CFAP70: variants seen among roughly 807,000 people sequenced by gnomAD.
CFAP70 encodes the protein cilia- and flagella-associated protein 70.
CFAP70 carries 81 observed loss-of-function variants against 137.6 expected under a neutral mutation model. The observed-to-expected ratio is 0.59, with a 90% CI of 0.49 to 0.71. The LOEUF is 0.71. Ranked by LOEUF, CFAP70 falls within the 30% of genes least tolerant of loss-of-function variation. The pLI, the probability that CFAP70 is intolerant of heterozygous loss-of-function variation, is 0.00. For synonymous variants in CFAP70, 382 were observed against 423.6 expected (o/e 0.90, Z 1.20); for missense variants, 976 against 1,226.7 (o/e 0.80, Z 3.05).
At chr10:73,281,973 GT>G (rs1463120080) in intron 19 of CFAP70, among the ~76,000 whole-genome samples, 1 of 152,212 alleles carries the variant, frequency 6.6e-6, no homozygotes, top group Non-Finnish European at 1.5e-5. Context: ...CGTGATTCTA[GT>G]GAAAGAGAAG....
At chr10:73,297,949 C>T (rs1184500829) in intron 14 of CFAP70, among the ~76,000 whole-genome samples, 3 of 152,176 alleles carry the variant, frequency 2.0e-5, no homozygotes, top group Admixed American at 6.5e-5. Context: ...TGAGACATGA[C>T]GACACCACCT....
chr10:73,293,496 A>C, intron 15 of CFAP70, 108 bp from the exon 17 acceptor site: 1 of 954,754 alleles, frequency 1.0e-6, no homozygotes, highest in Non-Finnish European at 1.5e-6. Context: ...CTAAAATGTT[A>C]CTGATTGATG....
chr10:73,297,296 TTGG>T (rs1278684750), intron 14 of CFAP70, 123 bp from the exon 16 acceptor site: 2 of 982,980 alleles, frequency 2.0e-6, no homozygotes, highest in Admixed American at 6.0e-5. Context: ...GATTTCTCCC[TTGG>T]TGGGTGGTAG....
chr10:73,353,513 G>C, intron 3 of CFAP70, 43 bp downstream of exon 3: 1 of 1,562,026 alleles, frequency 6.4e-7, no homozygotes, highest in Non-Finnish European at 8.8e-7. Context: ...TGATAGGGAA[G>C]AAGGCAATCG....
At chr10:73,306,286 G>C (rs1169578942) in intron 12 of CFAP70, among the ~76,000 whole-genome samples, 1 of 152,004 alleles carries the variant, frequency 6.6e-6, no homozygotes, top group Non-Finnish European at 1.5e-5. Flanking sequence ...GAATTTTTAA[G>C]AAATAATGGC....
intron 2 of CFAP70, among the ~76,000 whole-genome samples, chr10:73,354,321 T>G (rs561112103): frequency 6.6e-6 from 1 of 152,360 alleles, no homozygotes; most frequent in Admixed American, 6.5e-5. Context: ...GAATGATCTT[T>G]TTAAACTTAA....
chr10:73,332,481 C>A (rs2132313782), intron 7 of CFAP70, among the ~76,000 whole-genome samples: 1 of 152,278 alleles, frequency 6.6e-6, no homozygotes, highest in Admixed American at 6.5e-5. Context: ...ACCTGTCTAG[C>A]TTCCACAGGG....
At chr10:73,351,083 A>G (rs1318352496) in intron 3 of CFAP70, among the ~76,000 whole-genome samples, 36 of 89,888 alleles carry the variant, frequency 4.0e-4, no homozygotes, top group African/African-American at 2.0e-3. Context: ...ATATATATAT[A>G]TATATATATA....
At chr10:73,322,923 G>A (rs912267255) in intron 9 of CFAP70, 40 bp downstream of exon 10, 2 of 1,544,678 alleles carry the variant, frequency 1.3e-6, no homozygotes, top group South Asian at 2.5e-5. Flanking sequence ...ATATATAAAG[G>A]ATAAATTACC....
intron 24 of CFAP70, among the ~76,000 whole-genome samples, chr10:73,270,734 C>A (rs2046238490): frequency 6.6e-6 from 1 of 151,300 alleles, no homozygotes; most frequent in African/African-American, 2.4e-5. Context: ...CGGGGTTTCA[C>A]CACATTGGCC....
intron 9 of CFAP70, among the ~76,000 whole-genome samples, chr10:73,320,381 T>TA (rs1160942247): frequency 6.6e-6 from 1 of 152,122 alleles, no homozygotes; most frequent in Admixed American, 6.5e-5. Flanking sequence ...CGGAGTACAG[T>TA]AGAACAATCA....
chr10:73,342,692 T>C (rs1337267808), intron 5 of CFAP70, among the ~76,000 whole-genome samples: 1 of 152,148 alleles, frequency 6.6e-6, no homozygotes, highest in Non-Finnish European at 1.5e-5. Context: ...AGAGCCTTCA[T>C]CAGCAACAAA....
chr10:73,253,766 G>A (rs2133452396), downstream of CFAP70: 1 of 466,098 alleles, frequency 2.1e-6, no homozygotes, highest in Non-Finnish European at 3.9e-6. Context: ...GATGAATTTT[G>A]AGTTTCATAT....
At chr10:73,314,044 A>C (rs2050144972) in intron 9 of CFAP70, among the ~76,000 whole-genome samples, 1 of 152,234 alleles carries the variant, frequency 6.6e-6, no homozygotes, top group African/African-American at 2.4e-5. Context: ...TTTTTCCCTA[A>C]AAATTCTTTT....
intron 26 of CFAP70, among the ~76,000 whole-genome samples, chr10:73,254,979 C>T (rs1403555819): frequency 6.6e-6 from 1 of 152,188 alleles, no homozygotes; most frequent in Non-Finnish European, 1.5e-5. Context: ...ACTAATAGAA[C>T]AGGCCAGGCA....
At chr10:73,362,025 A>G (rs890132458), upstream of CFAP70, among the ~76,000 whole-genome samples, 2 of 152,220 alleles carry the variant, frequency 1.3e-5, no homozygotes, top group African/African-American at 4.8e-5. Context: ...AGACAGTAAT[A>G]AAGACATAAA....
Position 73,275,420 on chromosome 10 carries a change from C to G in CFAP70, c.2673+26G>C, listed in dbSNP as rs371309273. The stretch of plus-strand genomic sequence containing the variant: ...TTAAATAAAGCCCCTTCTCCAGACT[C>G]AAGAGGCTTTAGCAAAAGTCATTAC... On this transcript the variant is annotated intron_variant, in intron 22 of 26. Transcript: ENST00000310715. The surrounding 1 kb of genome is among the most constrained non-coding windows in gnomAD (Gnocchi z 4.0). 1.3e-6 allele frequency: 2 copies of G among 1,565,296 alleles called. No individual in the cohort carries two copies. The highest frequency in any genetic ancestry group is 1.4e-5 in the African/African-American group (1 of 73,050).
Position 73,268,241 on chromosome 10 carries a change from T to C in CFAP70, c.3027+1373A>G, listed in dbSNP as rs988000530. Among the ~76,000 whole-genome samples, 14 of 152,370 alleles carry C rather than the reference T, an allele frequency of 9.2e-5. 1 individual carries two copies. In the South Asian group the frequency reaches 2.9e-3, roughly 32 times the overall value. On this transcript the variant is annotated intron_variant, in intron 25 of 26. Transcript: ENST00000310715. The stretch of plus-strand genomic sequence containing the variant: ...TTTGAAGTGTCACAAGGTTTCTTCA[T>C]TGACTTATTAATTAATTACAAGCAT...
intron 1 of CFAP70, among the ~76,000 whole-genome samples, chr10:73,355,907 C>T (rs1398464303): frequency 6.6e-6 from 1 of 152,182 alleles, no homozygotes; most frequent in Non-Finnish European, 1.5e-5. Flanking sequence ...AAACTGGTCC[C>T]TGGTGCCAAA....
Sources: allele counts gnomAD v4.1 joint callset (sites outside exome capture counted in the v4.1 genomes callset), GRCh38; gene constraint gnomAD v4.1.1; non-coding constraint Gnocchi (gnomAD v3.1); transcripts MANE v1.5; gene names NCBI Gene and HGNC (gene_info 2026-07-23, HGNC 2026-07-21).